OTULIN: variants seen among roughly 807,000 people sequenced by gnomAD.
OTULIN encodes the protein OTU deubiquitinase with linear linkage specificity.
Under a neutral mutation model 39.6 loss-of-function variants are expected in OTULIN, and 15 were observed. The ratio of observed to expected loss-of-function variants is 0.38; its 90% CI spans 0.25 to 0.58. OTULIN has a LOEUF of 0.58. OTULIN is among the 20% of genes least tolerant of loss of function. OTULIN has a pLI of 0.66. For synonymous variants in OTULIN, 156 were observed against 170.3 expected (o/e 0.92, Z 0.65); for missense variants, 319 against 445.9 (o/e 0.72, Z 2.56).
rs1197863955 is a variant in OTULIN, at chr5:14,699,571, G to C, written c.*6523G>C. 1 of 152,138 alleles carries C rather than the reference G, an allele frequency of 6.6e-6. No individual in the cohort carries two copies. Among genetic ancestry groups the C allele is most frequent in the East Asian group, 1.9e-4 (1 of 5,200 alleles). 9.4% of individuals were successfully genotyped at this position (152,138 alleles called of 1,614,324 possible). On this transcript the variant is annotated 3_prime_UTR_variant, in exon 7 of 7. Transcript: ENST00000284274. ...CTACTTGTCTGAATTACGATGCTCT[G>C]CTCAACTCTGTGGACAGTGTTTCTT...
chr5:14,680,036 CTG>C (rs1185306878), intron 3 of OTULIN, among the ~76,000 whole-genome samples: 2 of 152,138 alleles, frequency 1.3e-5, no homozygotes, highest in Non-Finnish European at 2.9e-5. Flanking sequence ...GCGTGATTGT[CTG>C]TTTTTGTTTC....
At position 14,693,015 on chromosome 5, in the gene OTULIN, C is replaced by G. The variant is rs1736571517; in HGVS notation, c.1026C>G (p.Ile342Met). ...CTGAGGACGATCGGCACTATAACAT[C>G]CCCGTCAGAGTGTGTGAGGAGACCA... ...LIAEDDRHYN[I>M]PVRVCEETSL is the part of the protein sequence containing the mutation. The change falls in exon 7 of 7, where the codon ATC becomes ATG. Residue 342 changes from isoleucine to methionine, a missense_variant. Ile to Met is a conservative substitution (Grantham distance 10). Transcript: ENST00000284274. The G allele has an allele frequency of 2.5e-6, 4 of 1,613,848 alleles. No homozygotes were observed. The highest frequency in any genetic ancestry group is 3.4e-6 in the Non-Finnish European group (4 of 1,179,924).
At position 14,695,522 on chromosome 5, in the gene OTULIN, C is replaced by T. The variant is rs1441300209; in HGVS notation, c.*2474C>T. 2 of 152,104 alleles carry T rather than the reference C, an allele frequency of 1.3e-5. No individual in the cohort carries two copies. Among genetic ancestry groups the T allele is most frequent in the African/African-American group, 4.8e-5 (2 of 41,394 alleles). 9.4% of individuals were successfully genotyped at this position (152,104 alleles called of 1,614,324 possible). On this transcript the variant is annotated 3_prime_UTR_variant, in exon 7 of 7. Transcript: ENST00000284274. ...TTGCAAGAGTTTAGGAGTTTTGGAC[C>T]CTGTGTATTGGCAGAAAAGTTATCT...
chr5:14,688,396 C>A (rs1342312680), intron 5 of OTULIN, among the ~76,000 whole-genome samples: 3 of 152,150 alleles, frequency 2.0e-5, no homozygotes, highest in Admixed American at 6.5e-5. Context: ...CTTCCTAGCA[C>A]GTACTTCAAA....
downstream of OTULIN, among the ~76,000 whole-genome samples, chr5:14,701,352 C>G (rs1302081626): frequency 6.6e-6 from 1 of 152,192 alleles, no homozygotes; most frequent in African/African-American, 2.4e-5. Flanking sequence ...TAAGATGACC[C>G]CAGGCAAGCT....
chr5:14,708,681 A>G, the OTULIN span: 2 of 152,208 alleles, frequency 1.3e-5, no homozygotes, highest in African/African-American at 4.8e-5. Flanking sequence ...ACGAAGAAGG[A>G]TCACGTGCTT....
Position 14,690,002 on chromosome 5 carries a change from C to A in OTULIN, c.595-37C>A, listed in dbSNP as rs1561001684. Reference sequence around the variant, plus strand: ...GGTACTATACCAGGGATTTTTAGAACAAAAATTCTAATTATTACATAACTT... The same window carrying A: ...GGTACTATACCAGGGATTTTTAGAAAAAAAATTCTAATTATTACATAACTT... On this transcript the variant is annotated intron_variant, in intron 5 of 6. Coordinates refer to ENST00000284274, the MANE Select transcript of OTULIN (RefSeq NM_138348.6). This position sits in a 1 kb window ranked among gnomAD's most constrained non-coding sequence, Gnocchi z 4.5. 1.3e-6 allele frequency: 2 copies of A among 1,586,732 alleles called. No homozygotes were observed. The highest frequency in any genetic ancestry group is 1.2e-5 in the South Asian group (1 of 86,870).
the OTULIN span, chr5:14,706,495 A>G: frequency 6.6e-6 from 1 of 152,358 alleles, no homozygotes; most frequent in South Asian, 2.1e-4. Flanking sequence ...TGAGAAGAAA[A>G]TAAAGTCTAA....
chr5:14,705,476 G>A, the OTULIN span: 2 of 152,214 alleles, frequency 1.3e-5, no homozygotes, highest in Admixed American at 1.3e-4. Flanking sequence ...GTGAGGCCAA[G>A]AAGCGTGAGT....
intron 4 of OTULIN, among the ~76,000 whole-genome samples, chr5:14,686,238 C>A (rs1457599060): frequency 2.0e-5 from 3 of 152,162 alleles, no homozygotes; most frequent in Non-Finnish European, 2.9e-5. Flanking sequence ...GATTTGGCCT[C>A]ATTTAAAACT....
At chr5:14,710,848 T>C in the OTULIN span, 101 of 350,128 alleles carry the variant, frequency 2.9e-4, no homozygotes, top group African/African-American at 1.9e-3. Flanking sequence ...CGAGGCGCGA[T>C]GGCACAGCTG....
rs984550774 is a variant in OTULIN at position 14,696,236 on chromosome 5, A to G, written c.*3188A>G. ...GCTGAATCACCTTTAATGATACAGC[A>G]CTTCTGCCATCTCAGCATCTACATA... On this transcript the variant is annotated 3_prime_UTR_variant, in exon 7 of 7. Transcript: ENST00000284274. 1 of 152,222 alleles carries G rather than the reference A, an allele frequency of 6.6e-6. No homozygotes were observed. The highest frequency in any genetic ancestry group is 1.5e-5 in the Non-Finnish European group (1 of 68,034). The allele number at this position is 152,222 out of a possible 1,614,324, so 9.4% of individuals were successfully genotyped here.
the OTULIN span, chr5:14,712,739 G>A: frequency 1.1e-6 from 1 of 880,352 alleles, no homozygotes; most frequent in African/African-American, 1.7e-5. Context: ...GCCACCCTAA[G>A]CCACGAGACT....
intron 4 of OTULIN, among the ~76,000 whole-genome samples, chr5:14,683,925 A>G (rs1579971580): frequency 6.6e-6 from 1 of 152,326 alleles, no homozygotes; most frequent in East Asian, 1.9e-4. Flanking sequence ...GCCATATTAA[A>G]AATAGTCTGG....
In OTULIN at chr5:14,697,989, CA is replaced by C. The variant is rs1736715681; in HGVS notation, c.*4942del. On this transcript the variant is annotated 3_prime_UTR_variant, in exon 7 of 7. Coordinates refer to ENST00000284274, the MANE Select transcript of OTULIN (RefSeq NM_138348.6). Reference sequence around the variant, plus strand: ...TGTATTCACATAAATGGTGCTAAAACATTGTACCCCTTATAAGAACTGCAGC... The same window carrying C: ...TGTATTCACATAAATGGTGCTAAAACTTGTACCCCTTATAAGAACTGCAGC... 1.3e-5 allele frequency: 2 copies of C among 152,184 alleles called. No individual in the cohort carries two copies. Among genetic ancestry groups the C allele is most frequent in the Non-Finnish European group, 2.9e-5 (2 of 68,028 alleles). 9.4% of individuals were successfully genotyped at this position (152,184 alleles called of 1,614,324 possible).
chr5:14,664,804 C>A lies in OTULIN; in HGVS notation c.-22C>A. 1.7e-6 allele frequency: 2 copies of A among 1,210,536 alleles called. No individual in the cohort carries two copies. The highest frequency in any genetic ancestry group is 3.9e-5 in the South Asian group (1 of 25,790). 75.0% of individuals were successfully genotyped at this position (1,210,536 alleles called of 1,614,324 possible). A position where few individuals can be genotyped will look rare whatever the true frequency, so the allele number is the denominator to read the frequency against. On this transcript the variant is annotated 5_prime_UTR_variant, in exon 1 of 7. Coordinates refer to ENST00000284274, the MANE Select transcript of OTULIN (RefSeq NM_138348.6). ...CCGGATCGTTCGGAGCCGGCTGAAC[C>A]CCTTCGGCCGCGAGCGACCGCATGA...
chr5:14,671,968 T>G (rs1426023814), intron 1 of OTULIN, among the ~76,000 whole-genome samples: 3 of 152,184 alleles, frequency 2.0e-5, no homozygotes, highest in Non-Finnish European at 4.4e-5. Flanking sequence ...AGAGGTGTAG[T>G]TACTCTAGTC....
intron 1 of OTULIN, among the ~76,000 whole-genome samples, chr5:14,672,281 C>T (rs942295822): frequency 2.6e-4 from 40 of 152,002 alleles, no homozygotes; most frequent in Non-Finnish European, 7.4e-5. Flanking sequence ...TGGGTGAGGT[C>T]CTAATTTTGA....
chr5:14,673,356 A>G (rs1264164541), intron 1 of OTULIN, among the ~76,000 whole-genome samples: 1 of 152,238 alleles, frequency 6.6e-6, no homozygotes, highest in African/African-American at 2.4e-5. Context: ...TAGTTGAGGC[A>G]CTAATAGGCA....
Sources: allele counts gnomAD v4.1 joint callset (sites outside exome capture counted in the v4.1 genomes callset), GRCh38; gene constraint gnomAD v4.1.1; non-coding constraint Gnocchi (gnomAD v3.1); transcripts MANE v1.5; gene names NCBI Gene and HGNC (gene_info 2026-07-23, HGNC 2026-07-21).